The following TRIM33 variants were observed in gnomAD, a reference collection of about 807,000 sequenced individuals.
The protein encoded by TRIM33 is tripartite motif containing 33.
A neutral mutation model predicts 125.4 loss-of-function variants in TRIM33; 20 were observed. The ratio of observed to expected loss-of-function variants is 0.16; its 90% CI spans 0.11 to 0.23. The LOEUF is 0.23. Among genes scored for constraint, TRIM33 ranks in the 10% least tolerant of loss-of-function variants. TRIM33 has a pLI of 1.00. For synonymous variants in TRIM33, 564 were observed against 513.9 expected (o/e 1.10, Z -1.32); for missense variants, 920 against 1,411.4 (o/e 0.65, Z 5.58).
At chr1:114,442,963 A>C (rs1648745609) in intron 4 of TRIM33, among the ~76,000 whole-genome samples, 1 of 152,118 alleles carries the variant, frequency 6.6e-6, no homozygotes, top group South Asian at 2.1e-4. Flanking sequence ...AGAATTGTGA[A>C]TATCTGCTCT....
Position 114,424,572 on chromosome 1 carries a change from A to G in TRIM33, c.1860+19T>C, listed in dbSNP as rs765083875. On this transcript the variant is annotated intron_variant, in intron 10 of 19. Transcript: ENST00000358465. ...ATTTTAAAATTGTAGGATTCTTACA[A>G]ATGTAACTCTAGGCATACTTGTCTT... 6.6e-7 allele frequency: 1 copy of G among 1,511,304 alleles called. No individual in the cohort carries two copies. The highest frequency in any genetic ancestry group is 8.9e-7 in the Non-Finnish European group (1 of 1,127,776). 93.6% of individuals were successfully genotyped at this position (1,511,304 alleles called of 1,614,324 possible).
At chr1:114,424,378 C>G (rs943710700) in intron 10 of TRIM33, among the ~76,000 whole-genome samples, 4 of 151,986 alleles carry the variant, frequency 2.6e-5, no homozygotes, top group Admixed American at 6.6e-5. Context: ...TTTCTTAACC[C>G]ACAGTATATG....
intron 1 of TRIM33, among the ~76,000 whole-genome samples, chr1:114,476,118 C>A (rs1650962882): frequency 6.6e-6 from 1 of 151,406 alleles, no homozygotes; most frequent in Non-Finnish European, 1.5e-5. Flanking sequence ...AATTTCAGAG[C>A]TATTTATTAT....
At position 114,397,793 on chromosome 1, in the gene TRIM33, A is replaced by C; in HGVS notation, c.3239T>G (p.Ile1080Ser). 4.3e-6 allele frequency: 7 copies of C among 1,613,784 alleles called. No individual in the cohort carries two copies. The highest frequency in any genetic ancestry group is 1.3e-5 in the African/African-American group (1 of 74,934). ...AGGTGCGAAGGTCCTGTCTGAGTAG[A>C]TCTCTGTGAGTTTATCTTCAAAGTA... ...ALYFEDKLTE[I>S]YSDRTFAPLP... Residue 1080 changes from isoleucine to serine, a missense_variant, in exon 20 of 20, where the codon ATC (isoleucine) becomes AGC (serine). Physicochemically the swap from Ile to Ser is moderately radical, Grantham distance 142 (BLOSUM62 -2). Around this residue, in one of 8 missense-constraint regions of TRIM33, gnomAD observed 122 missense variants for 236.8 expected, o/e 0.52. Coordinates refer to ENST00000358465, the MANE Select transcript of TRIM33 (RefSeq NM_015906.4).
chr1:114,424,887 G>A (rs1232250593), intron 9 of TRIM33, 132 bp from the exon 10 acceptor site: 14 of 637,362 alleles, frequency 2.2e-5, no homozygotes, highest in South Asian at 3.7e-5. Flanking sequence ...AATTCTTATC[G>A]CTAGCCCCAA....
chr1:114,510,581 G>C lies in TRIM33; in HGVS notation c.496C>G (p.Pro166Ala). 6.5e-7 allele frequency: 1 copy of C among 1,530,878 alleles called. No individual in the cohort carries two copies. Among genetic ancestry groups the C allele is most frequent in the Non-Finnish European group, 8.7e-7 (1 of 1,143,384 alleles). The allele number at this position is 1,530,878 out of a possible 1,614,324, so 94.8% of individuals were successfully genotyped here. A position where few individuals can be genotyped will look rare whatever the true frequency, so the allele number is the denominator to read the frequency against. Residue 166 changes from proline to alanine, a missense_variant, in exon 1 of 20, where the codon CCG (proline) becomes GCG (alanine). Physicochemically the swap from Pro to Ala is conservative, Grantham distance 27. Transcript: ENST00000358465. Reference sequence around the variant, plus strand: ...TGGATGTCGCCGTTGCTGCCCCCCGGGATGGGCACGCTGAGCTGGCGCTCC... The same window carrying C: ...TGGATGTCGCCGTTGCTGCCCCCCGCGATGGGCACGCTGAGCTGGCGCTCC... The part of the protein sequence containing the change: ...EPERQLSVPI[P>A]GGSNGDIQQV...
At chr1:114,445,445 T>C (rs868819525) in intron 4 of TRIM33, among the ~76,000 whole-genome samples, 1 of 152,110 alleles carries the variant, frequency 6.6e-6, no homozygotes, top group South Asian at 2.1e-4. Context: ...CTTACTATGT[T>C]GCCCAGGCTG....
chr1:114,434,809 C>A (rs957009080), intron 4 of TRIM33, among the ~76,000 whole-genome samples: 3 of 152,144 alleles, frequency 2.0e-5, no homozygotes, highest in African/African-American at 7.2e-5. Flanking sequence ...GAAACCACTG[C>A]CTAAATCGGC....
chr1:114,410,462 CA>C, intron 11 of TRIM33, 146 bp from the exon 12 acceptor site: 5 of 779,694 alleles, frequency 6.4e-6, no homozygotes, highest in Non-Finnish European at 7.9e-6. Context: ...CCTTAGGGTC[CA>C]CTGAGGGCCC....
chr1:114,420,257 C>G, intron 11 of TRIM33: 1 of 465,298 alleles, frequency 2.1e-6, no homozygotes, highest in South Asian at 1.8e-5. Context: ...TCCTGTTCTC[C>G]ATCATTTCCC....
chr1:114,490,105 G>GAAAA (rs1354727485), intron 1 of TRIM33, among the ~76,000 whole-genome samples: 4 of 100,454 alleles, frequency 4.0e-5, no homozygotes, highest in African/African-American at 1.7e-4. Context: ...AAAAAAAAAA[G>GAAAA]AAAAGGAAAG....
intron 17 of TRIM33, among the ~76,000 whole-genome samples, chr1:114,400,203 T>C (rs920564153): frequency 3.3e-5 from 5 of 152,196 alleles, no homozygotes; most frequent in African/African-American, 9.6e-5. Context: ...TATTGACTGA[T>C]TGACTAATTG....
chr1:114,481,818 G>A (rs1026983970), intron 1 of TRIM33, among the ~76,000 whole-genome samples: 8 of 151,704 alleles, frequency 5.3e-5, no homozygotes, highest in Non-Finnish European at 7.4e-5. Context: ...GGAGGGCAGT[G>A]GCGTGATCGC....
intron 4 of TRIM33, among the ~76,000 whole-genome samples, chr1:114,447,183 G>A (rs1365441423): frequency 1.3e-5 from 2 of 152,126 alleles, no homozygotes; most frequent in Non-Finnish European, 2.9e-5. Context: ...TGGAAGAGAG[G>A]TAGTATTAGA....
chr1:114,420,070 C>T (rs533684782), intron 11 of TRIM33, among the ~76,000 whole-genome samples: 45 of 152,278 alleles, frequency 3.0e-4, no homozygotes, highest in African/African-American at 9.1e-4. Context: ...ATGAAAGTAA[C>T]GCATACAATG....
chr1:114,510,954 C>T lies in TRIM33; in HGVS notation c.123G>A (p.Val41=). The change falls in exon 1 of 20, where the codon GTG becomes GTA. Residue 41 remains valine (V), a synonymous_variant. Coordinates refer to ENST00000358465, the MANE Select transcript of TRIM33 (RefSeq NM_015906.4). ...AQEAEPPLTA[V]LVEEEEEEGG... The stretch of plus-strand genomic sequence containing the variant: ...CTTCCTCCTCCTCCTCCTCCACCAG[C>T]ACCGCGGTGAGAGGCGGCTCCGCCT... The T allele has an allele frequency of 7.2e-7, 1 of 1,394,432 alleles. No homozygotes were observed. The highest frequency in any genetic ancestry group is 9.3e-7 in the Non-Finnish European group (1 of 1,075,022). The allele number at this position is 1,394,432 out of a possible 1,614,324, so 86.4% of individuals were successfully genotyped here.
chr1:114,422,673 TAATC>T lies in TRIM33; in HGVS notation c.1861-1041_1861-1038del, dbSNP rs1177585162. ...GGAAAAAAAAAAAAACCTGTAGAAA[TAATC>T]AAAGGTACAATTGGAAATAACGATG... On this transcript the variant is annotated intron_variant, in intron 10 of 19. Transcript: ENST00000358465. Among the ~76,000 whole-genome samples, 5 of 150,822 alleles carry T rather than the reference TAATC, an allele frequency of 3.3e-5. No individual in the cohort carries two copies. In the South Asian group the frequency reaches 1.0e-3, roughly 32 times the overall value.
intron 1 of TRIM33, among the ~76,000 whole-genome samples, chr1:114,464,972 C>T (rs935165708): frequency 3.9e-5 from 6 of 152,184 alleles, no homozygotes; most frequent in Non-Finnish European, 5.9e-5. Flanking sequence ...AGTCCTGCCA[C>T]CACTTTTGAC....
At chr1:114,486,004 G>C (rs71664850) in intron 1 of TRIM33, among the ~76,000 whole-genome samples, 20,353 of 152,192 alleles carry the variant, frequency 0.13, 1,756 homozygotes, top group Non-Finnish European at 0.19. Flanking sequence ...GCCAGGCACA[G>C]TGGCTCACAC....
Sources: allele counts gnomAD v4.1 joint callset (sites outside exome capture counted in the v4.1 genomes callset), GRCh38; gene constraint gnomAD v4.1.1; regional missense constraint gnomAD v4.1.1; transcripts MANE v1.5; gene names NCBI Gene and HGNC (gene_info 2026-07-23, HGNC 2026-07-21).